Variants in EFCAB14 observed in about 807,000 individuals in gnomAD.
EFCAB14 encodes the protein EF-hand calcium-binding domain-containing protein 14.
EFCAB14 carries 43 observed loss-of-function variants against 56.5 expected under a neutral mutation model. The observed-to-expected ratio is 0.76, with a 90% CI of 0.60 to 0.98. The LOEUF is 0.98. Ranked by LOEUF, EFCAB14 falls within the 50% of genes least tolerant of loss-of-function variation. The probability of loss-of-function intolerance (pLI) is 0.00; values close to 1 mark genes in which losing one functional copy is unlikely to be tolerated. For synonymous variants in EFCAB14, 235 were observed against 212.9 expected (o/e 1.10, Z -0.90); for missense variants, 538 against 580.3 (o/e 0.93, Z 0.75).
At chr1:46,708,675 T>G (rs570220169) in intron 2 of EFCAB14, among the ~76,000 whole-genome samples, 1 of 152,330 alleles carries the variant, frequency 6.6e-6, no homozygotes, top group South Asian at 2.1e-4. Context: ...TTTAATCTTT[T>G]TCATAAGTAG....
chr1:46,701,701 AAC>A (rs1165758476), intron 3 of EFCAB14, among the ~76,000 whole-genome samples: 1 of 152,242 alleles, frequency 6.6e-6, no homozygotes, highest in East Asian at 1.9e-4. Context: ...CTGTGCTGCA[AAC>A]ACTCTATGCC....
Position 46,718,184 on chromosome 1 carries a change from T to A in EFCAB14, c.-97A>T. On this transcript the variant is annotated 5_prime_UTR_variant, in exon 1 of 11. Coordinates refer to ENST00000371933, the MANE Select transcript of EFCAB14 (RefSeq NM_014774.3). ...CTGCCTTGGAGCTGCCTTCCAGGGT[T>A]GGGAATCCTGGGCCAGAGCCCCCTG... The A allele has an allele frequency of 7.5e-7, 1 of 1,336,296 alleles. No homozygotes were observed. Among genetic ancestry groups the A allele is most frequent in the Non-Finnish European group, 1.0e-6 (1 of 969,458 alleles). The allele number at this position is 1,336,296 out of a possible 1,614,324, so 82.8% of individuals were successfully genotyped here.
intron 6 of EFCAB14, 58 bp downstream of exon 6, chr1:46,689,529 T>A (rs897115452): frequency 6.5e-7 from 1 of 1,542,382 alleles, no homozygotes; most frequent in Non-Finnish European, 9.0e-7. Flanking sequence ...CCCAAACTAT[T>A]TGGCTGCCTC....
chr1:46,718,938 G>A lies in EFCAB14; in HGVS notation c.-851C>T, dbSNP rs150150641. On this transcript the variant is annotated 5_prime_UTR_variant, in exon 1 of 11. Coordinates refer to ENST00000371933, the MANE Select transcript of EFCAB14 (RefSeq NM_014774.3). ...GCCCGGAGTTTGAGGTCTCCGGCAC[G>A]GGCAACTCTCGGCCACTCACACGCG... The A allele has an allele frequency of 6.5e-6, 1 of 152,844 alleles. No individual in the cohort carries two copies. The highest frequency in any genetic ancestry group is 1.5e-5 in the Non-Finnish European group (1 of 68,252). 9.5% of individuals were successfully genotyped at this position (152,844 alleles called of 1,614,324 possible). A position where few individuals can be genotyped will look rare whatever the true frequency, so the allele number is the denominator to read the frequency against.
At chr1:46,697,985 G>A (rs1395396255) in intron 3 of EFCAB14, among the ~76,000 whole-genome samples, 2 of 151,664 alleles carry the variant, frequency 1.3e-5, no homozygotes, top group African/African-American at 4.8e-5. Flanking sequence ...CTGAGTAGCC[G>A]GGATTACAGG....
At chr1:46,705,787 T>C (rs950152350) in intron 3 of EFCAB14, among the ~76,000 whole-genome samples, 1 of 152,244 alleles carries the variant, frequency 6.6e-6, no homozygotes. Flanking sequence ...CAATGTTGAA[T>C]ACTAGATGTG....
rs1553121911 is a variant in EFCAB14, at chr1:46,681,668, T to TTC, written c.1312+1631_1312+1632insGA. Among the ~76,000 whole-genome samples the TTC allele has an allele frequency of 5.3e-5, 8 of 151,536 alleles. No homozygotes were observed. In the South Asian group the frequency reaches 1.7e-3, roughly 32 times the overall value. On this transcript the variant is annotated intron_variant, in intron 10 of 10. Transcript: ENST00000371933. ...GTGGCTAGCTGAAGAGTTCTGTTTT[T>TTC]TTTTTTCTTTTTTTTTGTGGCATGA...
chr1:46,718,912 C>G lies in EFCAB14; in HGVS notation c.-825G>C, dbSNP rs1677442487. 1 of 152,598 alleles carries G rather than the reference C, an allele frequency of 6.6e-6. No individual in the cohort carries two copies. Among genetic ancestry groups the G allele is most frequent in the Non-Finnish European group, 1.5e-5 (1 of 68,238 alleles). 9.5% of individuals were successfully genotyped at this position (152,598 alleles called of 1,614,324 possible). On this transcript the variant is annotated 5_prime_UTR_variant, in exon 1 of 11. Transcript: ENST00000371933. ...CGGCTCGGCCGACCGAAAGCGCTCC[C>G]GCCCGGAGTTTGAGGTCTCCGGCAC...
chr1:46,687,939 GA>G (rs960667353), intron 7 of EFCAB14, among the ~76,000 whole-genome samples: 2 of 152,142 alleles, frequency 1.3e-5, no homozygotes, highest in African/African-American at 4.8e-5. Context: ...CAGGCTTAAA[GA>G]AATGATAAAA....
intron 3 of EFCAB14, among the ~76,000 whole-genome samples, chr1:46,705,339 T>C (rs1481148439): frequency 6.6e-6 from 1 of 152,240 alleles, no homozygotes; most frequent in African/African-American, 2.4e-5. Context: ...TTCACTGCAA[T>C]CTCTTCCAGT....
chr1:46,701,010 T>TGTGTGTGC (rs1271604903), intron 3 of EFCAB14, among the ~76,000 whole-genome samples: 6 of 151,682 alleles, frequency 4.0e-5, no homozygotes, highest in Non-Finnish European at 8.8e-5. Flanking sequence ...TGTGTGTGTG[T>TGTGTGTGC]GCATGTGAGA....
Position 46,676,656 on chromosome 1 carries a change from G to A in EFCAB14, c.*1805C>T, listed in dbSNP as rs915506916. The A allele has an allele frequency of 6.6e-6, 1 of 152,550 alleles. No individual in the cohort carries two copies. Among genetic ancestry groups the A allele is most frequent in the African/African-American group, 2.4e-5 (1 of 41,386 alleles). The allele number at this position is 152,550 out of a possible 1,614,324, so 9.4% of individuals were successfully genotyped here. The stretch of plus-strand genomic sequence containing the variant: ...AAAAAGGTGTGGGGTGAGAGTGGAT[G>A]GAAGGCAGTCAGAAGGGTGAGAGTT... On this transcript the variant is annotated 3_prime_UTR_variant, in exon 11 of 11. Transcript: ENST00000371933.
At chr1:46,715,353 ACT>A (rs1677371839) in intron 2 of EFCAB14, among the ~76,000 whole-genome samples, 1 of 152,228 alleles carries the variant, frequency 6.6e-6, no homozygotes, top group Non-Finnish European at 1.5e-5. Flanking sequence ...GCTCTGTCAT[ACT>A]TAATCACTGA....
At chr1:46,713,170 G>A (rs1375241016) in intron 2 of EFCAB14, among the ~76,000 whole-genome samples, 6 of 151,928 alleles carry the variant, frequency 3.9e-5, no homozygotes, top group Admixed American at 6.6e-5. Flanking sequence ...TGATGGTTTA[G>A]CCTATGGACT....
rs1298615106 is a variant in EFCAB14, at chr1:46,696,708, A to G, written c.481-59T>C. 5 of 1,482,932 alleles carry G rather than the reference A, an allele frequency of 3.4e-6. No homozygotes were observed. In the Admixed American group the frequency reaches 5.1e-5, roughly 15 times the overall value. 91.9% of individuals were successfully genotyped at this position (1,482,932 alleles called of 1,614,324 possible). A position where few individuals can be genotyped will look rare whatever the true frequency, so the allele number is the denominator to read the frequency against. The stretch of plus-strand genomic sequence containing the variant: ...AATGAGAATTTGTAGAGGACACGTT[A>G]CCTTCACAAACTCTACGGTTGGTGA... On this transcript the variant is annotated intron_variant, in intron 3 of 10. Coordinates refer to ENST00000371933, the MANE Select transcript of EFCAB14 (RefSeq NM_014774.3).
chr1:46,717,990 C>T lies in EFCAB14; in HGVS notation c.98G>A (p.Arg33His). The T allele has an allele frequency of 1.2e-6, 2 of 1,614,188 alleles. No individual in the cohort carries two copies. Among genetic ancestry groups the T allele is most frequent in the African/African-American group, 1.3e-5 (1 of 75,046 alleles). ...KKGPSSHRLL[R>H]TEPPDSDSES... is the part of the protein sequence containing the mutation. ...AGAGTCTGAGTCGGGAGGCTCAGTG[C>T]GAAGCAGGCGGTGACTGCTTGGGCC... The change falls in exon 1 of 11, where the codon CGC becomes CAC. Residue 33 changes from arginine (R) to histidine (H), a missense_variant. Arg to His is a conservative substitution (Grantham distance 29). Transcript: ENST00000371933.
intron 3 of EFCAB14, among the ~76,000 whole-genome samples, chr1:46,697,984 C>T (rs1326100102): frequency 6.6e-6 from 1 of 151,322 alleles, no homozygotes; most frequent in Non-Finnish European, 1.5e-5. Flanking sequence ...CCTGAGTAGC[C>T]GGGATTACAG....
At chr1:46,684,320 C>A in intron 9 of EFCAB14, 171 bp downstream of exon 9, 1 of 586,006 alleles carries the variant, frequency 1.7e-6, no homozygotes. Context: ...AAATCATGTA[C>A]AAAATGGGCC....
intron 2 of EFCAB14, among the ~76,000 whole-genome samples, chr1:46,714,110 T>C (rs1277649399): frequency 6.6e-6 from 1 of 152,102 alleles, no homozygotes; most frequent in Non-Finnish European, 1.5e-5. Context: ...GAAACATCAT[T>C]AACACACTAA....
Sources: gnomAD v4.1 joint callset for allele counts (sites outside exome capture counted in the v4.1 genomes callset) on GRCh38, gnomAD v4.1.1 for gene constraint, MANE v1.5 for transcripts, NCBI Gene and HGNC (gene_info 2026-07-23, HGNC 2026-07-21) for gene names.